The following TERC variants were observed in gnomAD, a reference collection of about 807,000 sequenced individuals.
The protein encoded by TERC is telomerase RNA component.
Position 169,764,611 on chromosome 3 carries a change from C to T in TERC, n.450G>A, listed in dbSNP as rs199422287. The T allele has an allele frequency of 7.3e-6, 5 of 684,978 alleles. No individual in the cohort carries two copies. Among genetic ancestry groups the T allele is most frequent in the Non-Finnish European group, 1.3e-5 (5 of 378,434 alleles). The allele number at this position is 684,978 out of a possible 1,614,324, so 42.4% of individuals were successfully genotyped here. A position where few individuals can be genotyped will look rare whatever the true frequency, so the allele number is the denominator to read the frequency against. Reference sequence around the variant, plus strand: ...CCCCCACCAACAGGAAAGCGAACTGCATGTGTGAGCCGAGTCCTGGGTGCA... The same window carrying T: ...CCCCCACCAACAGGAAAGCGAACTGTATGTGTGAGCCGAGTCCTGGGTGCA... On this transcript the variant is annotated non_coding_transcript_exon_variant, in exon 1 of 1. Coordinates refer to ENST00000602385, the Ensembl canonical transcript of TERC. The surrounding 1 kb of genome is among the most constrained non-coding windows in gnomAD (Gnocchi z 4.3).
rs777348518 is a variant in TERC, at chr3:169,764,701, G to T, written n.360C>A. 6 of 761,376 alleles carry T rather than the reference G, an allele frequency of 7.9e-6. No individual in the cohort carries two copies. The highest frequency in any genetic ancestry group is 7.2e-6 in the Non-Finnish European group (3 of 416,198). 47.2% of individuals were successfully genotyped at this position (761,376 alleles called of 1,614,324 possible). ...CGCTCCGTTCCTCTTCCTGCGGCCT[G>T]AAAGGCCTGAACCTCGCCCTCGCCC... is the stretch of plus-strand genomic sequence containing the variant. On this transcript the variant is annotated non_coding_transcript_exon_variant, in exon 1 of 1. Coordinates refer to ENST00000602385, the Ensembl canonical transcript of TERC. This position sits in a 1 kb window ranked among gnomAD's most constrained non-coding sequence, Gnocchi z 4.3.
chr3:169,764,652 G>A lies in TERC; in HGVS notation n.409C>T, dbSNP rs766203739. 5.4e-6 allele frequency: 4 copies of A among 746,654 alleles called. No individual in the cohort carries two copies. Among genetic ancestry groups the A allele is most frequent in the Non-Finnish European group, 7.4e-6 (3 of 407,040 alleles). The allele number at this position is 746,654 out of a possible 1,614,324, so 46.3% of individuals were successfully genotyped here. On this transcript the variant is annotated non_coding_transcript_exon_variant, in exon 1 of 1. Coordinates refer to ENST00000602385, the Ensembl canonical transcript of TERC. The surrounding 1 kb of genome is among the most constrained non-coding windows in gnomAD (Gnocchi z 4.3). The stretch of plus-strand genomic sequence containing the variant: ...CCTGGGTGCACGTCCCACAGCTCAG[G>A]GAATCGCGCCGCGCGCGGGGACTCG...
Position 169,764,974 on chromosome 3 carries a change from G to C in TERC, n.87C>G, listed in dbSNP as rs1777963818. On this transcript the variant is annotated non_coding_transcript_exon_variant, in exon 1 of 1. Coordinates refer to ENST00000602385, the Ensembl canonical transcript of TERC. This position sits in a 1 kb window ranked among gnomAD's most constrained non-coding sequence, Gnocchi z 4.3. ...GTCAGCGAGAAAAACAGCGCGCGGG[G>C]AGCAAAAGCACGGCGCCTACGCCCT... The C allele has an allele frequency of 1.3e-6, 1 of 765,500 alleles. No homozygotes were observed. The highest frequency in any genetic ancestry group is 2.4e-6 in the Non-Finnish European group (1 of 418,020). 47.4% of individuals were successfully genotyped at this position (765,500 alleles called of 1,614,324 possible). A position where few individuals can be genotyped will look rare whatever the true frequency, so the allele number is the denominator to read the frequency against.
exon 1 of TERC, chr3:169,765,039 C>T: frequency 1.3e-6 from 1 of 764,978 alleles, no homozygotes; most frequent in Non-Finnish European, 2.4e-6. Flanking sequence ...ACCACCCCTC[C>T]CAGGCCCACC....
chr3:169,764,757 T>A lies in TERC; in HGVS notation n.304A>T. 1.3e-6 allele frequency: 1 copy of A among 748,710 alleles called. No homozygotes were observed. The allele number at this position is 748,710 out of a possible 1,614,324, so 46.4% of individuals were successfully genotyped here. A position where few individuals can be genotyped will look rare whatever the true frequency, so the allele number is the denominator to read the frequency against. ...AGACCCGCGGCTGACAGAGCCCAAC[T>A]CTTCGCGGTGGCAGTGGGTGCCTCC... On this transcript the variant is annotated non_coding_transcript_exon_variant, in exon 1 of 1. Transcript: ENST00000602385. This position sits in a 1 kb window ranked among gnomAD's most constrained non-coding sequence, Gnocchi z 4.3.
At position 169,764,837 on chromosome 3, in the gene TERC, C is replaced by T. The variant is rs759370482; in HGVS notation, n.224G>A. Reference sequence around the variant, plus strand: ...AGGCGGGGTTCGGGGGCTGGGCAGGCGACCCGCCGCAGGTCCCCGGGAGGG... The same window carrying T: ...AGGCGGGGTTCGGGGGCTGGGCAGGTGACCCGCCGCAGGTCCCCGGGAGGG... On this transcript the variant is annotated non_coding_transcript_exon_variant, in exon 1 of 1. Coordinates refer to ENST00000602385, the Ensembl canonical transcript of TERC. This position sits in a 1 kb window ranked among gnomAD's most constrained non-coding sequence, Gnocchi z 4.3. 2 of 730,222 alleles carry T rather than the reference C, an allele frequency of 2.7e-6. No individual in the cohort carries two copies. Among genetic ancestry groups the T allele is most frequent in the South Asian group, 1.4e-5 (1 of 71,186 alleles). The allele number at this position is 730,222 out of a possible 1,614,324, so 45.2% of individuals were successfully genotyped here. A position where few individuals can be genotyped will look rare whatever the true frequency, so the allele number is the denominator to read the frequency against.
In TERC at chr3:169,765,058, C is replaced by T. The variant is rs1351896490; in HGVS notation, n.3G>A. On this transcript the variant is annotated non_coding_transcript_exon_variant, in exon 1 of 1. Transcript: ENST00000602385. ...CCCCTCCCAGGCCCACCCTCCGCAA[C>T]CCGGTGCGCTGCCGGGCGAGTCGGC... 1 of 764,572 alleles carries T rather than the reference C, an allele frequency of 1.3e-6. No homozygotes were observed. Among genetic ancestry groups the T allele is most frequent in the Non-Finnish European group, 2.4e-6 (1 of 417,444 alleles). The allele number at this position is 764,572 out of a possible 1,614,324, so 47.4% of individuals were successfully genotyped here. A position where few individuals can be genotyped will look rare whatever the true frequency, so the allele number is the denominator to read the frequency against.
Position 169,764,898 on chromosome 3 carries a change from C to T in TERC, n.163G>A, listed in dbSNP as rs758748876. ...CAGCAGCTGACATTTTTTGTTTGCT[C>T]TAGAATGAACGGTGGAAGGCGGCAG... On this transcript the variant is annotated non_coding_transcript_exon_variant, in exon 1 of 1. Coordinates refer to ENST00000602385, the Ensembl canonical transcript of TERC. The surrounding 1 kb of genome is among the most constrained non-coding windows in gnomAD (Gnocchi z 4.3). 1.3e-6 allele frequency: 1 copy of T among 764,814 alleles called. No homozygotes were observed. The highest frequency in any genetic ancestry group is 1.3e-5 in the South Asian group (1 of 74,564). 47.4% of individuals were successfully genotyped at this position (764,814 alleles called of 1,614,324 possible).
At position 169,764,906 on chromosome 3, in the gene TERC, A is replaced by T. The variant is rs1466076069; in HGVS notation, n.155T>A. ...GACATTTTTTGTTTGCTCTAGAATG[A>T]ACGGTGGAAGGCGGCAGGCCGAGGC... On this transcript the variant is annotated non_coding_transcript_exon_variant, in exon 1 of 1. Transcript: ENST00000602385. This position sits in a 1 kb window ranked among gnomAD's most constrained non-coding sequence, Gnocchi z 4.3. 2 of 765,146 alleles carry T rather than the reference A, an allele frequency of 2.6e-6. No homozygotes were observed. The highest frequency in any genetic ancestry group is 4.8e-6 in the Non-Finnish European group (2 of 417,834). The allele number at this position is 765,146 out of a possible 1,614,324, so 47.4% of individuals were successfully genotyped here. A position where few individuals can be genotyped will look rare whatever the true frequency, so the allele number is the denominator to read the frequency against.
Position 169,764,664 on chromosome 3 carries a change from C to A in TERC, n.397G>T. On this transcript the variant is annotated non_coding_transcript_exon_variant, in exon 1 of 1. Coordinates refer to ENST00000602385, the Ensembl canonical transcript of TERC. The surrounding 1 kb of genome is among the most constrained non-coding windows in gnomAD (Gnocchi z 4.3). ...TCCCACAGCTCAGGGAATCGCGCCGCGCGCGGGGACTCGCTCCGTTCCTCT... is the reference window on the plus strand; with the variant it reads ...TCCCACAGCTCAGGGAATCGCGCCGAGCGCGGGGACTCGCTCCGTTCCTCT... 1 of 751,568 alleles carries A rather than the reference C, an allele frequency of 1.3e-6. No individual in the cohort carries two copies. The highest frequency in any genetic ancestry group is 2.4e-6 in the Non-Finnish European group (1 of 409,886). 46.6% of individuals were successfully genotyped at this position (751,568 alleles called of 1,614,324 possible).
At position 169,764,823 on chromosome 3, in the gene TERC, G is replaced by T; in HGVS notation, n.238C>A. On this transcript the variant is annotated non_coding_transcript_exon_variant, in exon 1 of 1. Transcript: ENST00000602385. This position sits in a 1 kb window ranked among gnomAD's most constrained non-coding sequence, Gnocchi z 4.3. ...CGACCGCGGCCTCCAGGCGGGGTTC[G>T]GGGGCTGGGCAGGCGACCCGCCGCA... 1.4e-6 allele frequency: 1 copy of T among 728,740 alleles called. No individual in the cohort carries two copies. 45.1% of individuals were successfully genotyped at this position (728,740 alleles called of 1,614,324 possible).
chr3:169,764,842 C>T lies in TERC; in HGVS notation n.219G>A, dbSNP rs1277657900. 2 of 741,556 alleles carry T rather than the reference C, an allele frequency of 2.7e-6. No homozygotes were observed. Among genetic ancestry groups the T allele is most frequent in the Non-Finnish European group, 2.5e-6 (1 of 405,916 alleles). The allele number at this position is 741,556 out of a possible 1,614,324, so 45.9% of individuals were successfully genotyped here. On this transcript the variant is annotated non_coding_transcript_exon_variant, in exon 1 of 1. Coordinates refer to ENST00000602385, the Ensembl canonical transcript of TERC. The surrounding 1 kb of genome is among the most constrained non-coding windows in gnomAD (Gnocchi z 4.3). ...GGGTTCGGGGGCTGGGCAGGCGACC[C>T]GCCGCAGGTCCCCGGGAGGGGCGAA... is the stretch of plus-strand genomic sequence containing the variant.
At position 169,764,967 on chromosome 3, in the gene TERC, G is replaced by A. The variant is rs1212628582; in HGVS notation, n.94C>T. 1 of 765,498 alleles carries A rather than the reference G, an allele frequency of 1.3e-6. No individual in the cohort carries two copies. Among genetic ancestry groups the A allele is most frequent in the Admixed American group, 1.7e-5 (1 of 59,046 alleles). The allele number at this position is 765,498 out of a possible 1,614,324, so 47.4% of individuals were successfully genotyped here. A position where few individuals can be genotyped will look rare whatever the true frequency, so the allele number is the denominator to read the frequency against. On this transcript the variant is annotated non_coding_transcript_exon_variant, in exon 1 of 1. Coordinates refer to ENST00000602385, the Ensembl canonical transcript of TERC. This position sits in a 1 kb window ranked among gnomAD's most constrained non-coding sequence, Gnocchi z 4.3. ...GCTGAAAGTCAGCGAGAAAAACAGCGCGCGGGGAGCAAAAGCACGGCGCCT... is the reference window on the plus strand; with the variant it reads ...GCTGAAAGTCAGCGAGAAAAACAGCACGCGGGGAGCAAAAGCACGGCGCCT...
At position 169,764,909 on chromosome 3, in the gene TERC, G is replaced by A. The variant is rs1777962509; in HGVS notation, n.152C>T. 3 of 765,154 alleles carry A rather than the reference G, an allele frequency of 3.9e-6. No individual in the cohort carries two copies. The highest frequency in any genetic ancestry group is 4.8e-6 in the Non-Finnish European group (2 of 417,824). The allele number at this position is 765,154 out of a possible 1,614,324, so 47.4% of individuals were successfully genotyped here. ...ATTTTTTGTTTGCTCTAGAATGAAC[G>A]GTGGAAGGCGGCAGGCCGAGGCTTT... is the stretch of plus-strand genomic sequence containing the variant. On this transcript the variant is annotated non_coding_transcript_exon_variant, in exon 1 of 1. Coordinates refer to ENST00000602385, the Ensembl canonical transcript of TERC. The surrounding 1 kb of genome is among the most constrained non-coding windows in gnomAD (Gnocchi z 4.3).
rs893587661 is a variant in TERC at position 169,764,831 on chromosome 3, G to A, written n.230C>T. The stretch of plus-strand genomic sequence containing the variant: ...GCCTCCAGGCGGGGTTCGGGGGCTG[G>A]GCAGGCGACCCGCCGCAGGTCCCCG... On this transcript the variant is annotated non_coding_transcript_exon_variant, in exon 1 of 1. Transcript: ENST00000602385. The surrounding 1 kb of genome is among the most constrained non-coding windows in gnomAD (Gnocchi z 4.3). The A allele has an allele frequency of 5.5e-6, 4 of 729,648 alleles. No homozygotes were observed. Among genetic ancestry groups the A allele is most frequent in the Non-Finnish European group, 1.0e-5 (4 of 399,690 alleles). 45.2% of individuals were successfully genotyped at this position (729,648 alleles called of 1,614,324 possible).
In TERC at chr3:169,764,610, G is replaced by A. The variant is rs1060502986; in HGVS notation, n.451C>T. On this transcript the variant is annotated non_coding_transcript_exon_variant, in exon 1 of 1. Transcript: ENST00000602385. This position sits in a 1 kb window ranked among gnomAD's most constrained non-coding sequence, Gnocchi z 4.3. The stretch of plus-strand genomic sequence containing the variant: ...CCCCCCACCAACAGGAAAGCGAACT[G>A]CATGTGTGAGCCGAGTCCTGGGTGC... 1.5e-6 allele frequency: 1 copy of A among 684,274 alleles called. No individual in the cohort carries two copies. The highest frequency in any genetic ancestry group is 2.5e-5 in the East Asian group (1 of 40,156). 42.4% of individuals were successfully genotyped at this position (684,274 alleles called of 1,614,324 possible). A position where few individuals can be genotyped will look rare whatever the true frequency, so the allele number is the denominator to read the frequency against.
In TERC at chr3:169,764,653, G is replaced by A. The variant is rs199422284; in HGVS notation, n.408C>T. On this transcript the variant is annotated non_coding_transcript_exon_variant, in exon 1 of 1. Transcript: ENST00000602385. The surrounding 1 kb of genome is among the most constrained non-coding windows in gnomAD (Gnocchi z 4.3). ...CTGGGTGCACGTCCCACAGCTCAGGGAATCGCGCCGCGCGCGGGGACTCGC... is the reference window on the plus strand; with the variant it reads ...CTGGGTGCACGTCCCACAGCTCAGGAAATCGCGCCGCGCGCGGGGACTCGC... 2.7e-6 allele frequency: 2 copies of A among 747,830 alleles called. No individual in the cohort carries two copies. The highest frequency in any genetic ancestry group is 4.9e-6 in the Non-Finnish European group (2 of 407,632). The allele number at this position is 747,830 out of a possible 1,614,324, so 46.3% of individuals were successfully genotyped here.
chr3:169,765,043 G>A lies in TERC; in HGVS notation n.18C>T, dbSNP rs751824499. ...AAAAAATGGCCACCACCCCTCCCAG[G>A]CCCACCCTCCGCAACCCGGTGCGCT... On this transcript the variant is annotated non_coding_transcript_exon_variant, in exon 1 of 1. Coordinates refer to ENST00000602385, the Ensembl canonical transcript of TERC. 1 of 764,876 alleles carries A rather than the reference G, an allele frequency of 1.3e-6. No homozygotes were observed. Among genetic ancestry groups the A allele is most frequent in the Non-Finnish European group, 2.4e-6 (1 of 417,636 alleles). 47.4% of individuals were successfully genotyped at this position (764,876 alleles called of 1,614,324 possible).
chr3:169,764,785 A>G lies in TERC; in HGVS notation n.276T>C, dbSNP rs1174129039. ...TCGCGGTGGCAGTGGGTGCCTCCGGAGAAGCCCCGGGCCGACCGCGGCCTC... is the reference window on the plus strand; with the variant it reads ...TCGCGGTGGCAGTGGGTGCCTCCGGGGAAGCCCCGGGCCGACCGCGGCCTC... On this transcript the variant is annotated non_coding_transcript_exon_variant, in exon 1 of 1. Coordinates refer to ENST00000602385, the Ensembl canonical transcript of TERC. The surrounding 1 kb of genome is among the most constrained non-coding windows in gnomAD (Gnocchi z 4.3). 1.4e-6 allele frequency: 1 copy of G among 739,454 alleles called. No homozygotes were observed. The highest frequency in any genetic ancestry group is 2.5e-6 in the Non-Finnish European group (1 of 404,796). The allele number at this position is 739,454 out of a possible 1,614,324, so 45.8% of individuals were successfully genotyped here.
Sources: allele counts gnomAD v4.1 joint callset, GRCh38; gene constraint gnomAD v4.1.1; non-coding constraint Gnocchi (gnomAD v3.1); transcripts MANE v1.5; gene names NCBI Gene and HGNC (gene_info 2026-07-23, HGNC 2026-07-21).